Variants in MYLK2 observed in about 807,000 individuals in gnomAD.
MYLK2 encodes myosin light chain kinase 2, skeletal/cardiac muscle.
MYLK2 carries 27 observed loss-of-function variants against 58.2 expected under a neutral mutation model. That is an observed-to-expected ratio of 0.46 (90% confidence interval 0.34 to 0.64). The LOEUF (loss-of-function observed/expected upper bound fraction) is 0.64, where lower values mean the gene tolerates loss of function less well. MYLK2 is among the 30% of genes least tolerant of loss of function. MYLK2 has a pLI of 0.01. For synonymous variants in MYLK2, 310 were observed against 296.7 expected, an observed-to-expected ratio of 1.04 and a Z score of -0.46; for missense variants, 676 against 764.3, an observed-to-expected ratio of 0.88 and a Z score of 1.36.
chr20:31,824,654 G>T lies in MYLK2; in HGVS notation c.972+302G>T, dbSNP rs563583460. On this transcript the variant is annotated intron_variant, in intron 6 of 12. Transcript: ENST00000375985. ...CTGATGAGTGTGGGCTCTGGGCCAG[G>T]CCCTGTGCTGGGCACTGGGGGTCTG... The T allele has an allele frequency of 1.2e-5, 10 of 839,486 alleles. No individual in the cohort carries two copies. In the East Asian group the frequency reaches 1.1e-3, roughly 93 times the overall value. The allele number at this position is 839,486 out of a possible 1,614,324, so 52.0% of individuals were successfully genotyped here.
intron 12 of MYLK2, among the ~76,000 whole-genome samples, chr20:31,833,310 A>G (rs2062316035): frequency 6.6e-6 from 1 of 152,268 alleles, no homozygotes; most frequent in African/African-American, 2.4e-5. Flanking sequence ...AAAGGCCCTG[A>G]GGCAGAGGTG....
At chr20:31,823,135 G>A (rs1040846436) in intron 4 of MYLK2, among the ~76,000 whole-genome samples, 10 of 152,352 alleles carry the variant, frequency 6.6e-5, no homozygotes, top group Non-Finnish European at 1.5e-4. Flanking sequence ...CTGGCATTCC[G>A]CTTTATAGCT....
chr20:31,833,015 T>C (rs1443172944), intron 12 of MYLK2, among the ~76,000 whole-genome samples: 1 of 152,160 alleles, frequency 6.6e-6, no homozygotes, highest in Admixed American at 6.5e-5. Flanking sequence ...GCCTCCTGAA[T>C]AGCTGGGACC....
chr20:31,819,379 A>C lies in MYLK2; in HGVS notation c.-98A>C. 1.5e-6 allele frequency: 1 copy of C among 665,336 alleles called. No individual in the cohort carries two copies. The highest frequency in any genetic ancestry group is 2.1e-5 in the Admixed American group (1 of 47,194). 41.2% of individuals were successfully genotyped at this position (665,336 alleles called of 1,614,324 possible). Reference sequence around the variant, plus strand: ...TTACAACTGCCCAGGACTGCTCCTGAGCAGCCGCTGGGAGACAGACGGCAA... The same window carrying C: ...TTACAACTGCCCAGGACTGCTCCTGCGCAGCCGCTGGGAGACAGACGGCAA... On this transcript the variant is annotated 5_prime_UTR_variant, in exon 1 of 13. Transcript: ENST00000375985.
chr20:31,824,339 C>T lies in MYLK2; in HGVS notation c.959C>T (p.Thr320Ile). The T allele has an allele frequency of 6.2e-7, 1 of 1,612,312 alleles. No individual in the cohort carries two copies. The change falls in exon 6 of 13, where the codon ACT (threonine) becomes ATT (isoleucine). Residue 320 changes from threonine to isoleucine, a missense_variant. By Grantham distance (89) the Thr-to-Ile change is moderately conservative. Around this residue, in one of 2 missense-constraint regions of MYLK2, gnomAD observed 370 missense variants for 467.8 expected, o/e 0.79. Coordinates refer to ENST00000375985, the MANE Select transcript of MYLK2 (RefSeq NM_033118.4). ...GCAGCCAAGGTCATCAAGAAACAGACTCCCAAAGACAAGGTAGTGAGGTTG... is the reference window on the plus strand; with the variant it reads ...GCAGCCAAGGTCATCAAGAAACAGATTCCCAAAGACAAGGTAGTGAGGTTG... The part of the protein sequence containing the change: ...KLAAKVIKKQ[T>I]PKDKEMVLLE...
In MYLK2 at chr20:31,832,151, A is replaced by G. The variant is rs6060980; in HGVS notation, c.1710+15A>G. ...GGCGCTGGAAGGTACCGCTGGATTCAGGGTGGGGAGGGAGGGCTTGCTAGT... is the reference window on the plus strand; with the variant it reads ...GGCGCTGGAAGGTACCGCTGGATTCGGGGTGGGGAGGGAGGGCTTGCTAGT... On this transcript the variant is annotated intron_variant, in intron 12 of 12. Coordinates refer to ENST00000375985, the MANE Select transcript of MYLK2 (RefSeq NM_033118.4). 112,345 of 963,036 alleles carry G rather than the reference A, an allele frequency of 0.12. 4,488 individuals carry two copies. Among genetic ancestry groups the G allele is most frequent in the Middle Eastern group, 0.18 (809 of 4,608 alleles). The allele number at this position is 963,036 out of a possible 1,614,324, so 59.7% of individuals were successfully genotyped here.
At position 31,820,401 on chromosome 20, in the gene MYLK2, A is replaced by C; in HGVS notation, c.328A>C (p.Lys110Gln). 6.2e-7 allele frequency: 1 copy of C among 1,612,818 alleles called. No homozygotes were observed. The change falls in exon 3 of 13, where the codon AAG (lysine) becomes CAG (glutamine). Residue 110 changes from lysine to glutamine, a missense_variant. By Grantham distance (53) the Lys-to-Gln change is moderately conservative. Around this residue, in one of 2 missense-constraint regions of MYLK2, gnomAD observed 306 missense variants for 296.5 expected, o/e 1.03. Transcript: ENST00000375985. ...QTATPETSVK[K>Q]PKAEQGASGS... ...TGCGACACCTGAGACCAGCGTCAAG[A>C]AGCCCAAGGCTGAGCAGGGAGCCTC...
In MYLK2 at chr20:31,821,558, A is replaced by C. The variant is rs2062252208; in HGVS notation, c.593A>C (p.Asn198Thr). 6.2e-7 allele frequency: 1 copy of C among 1,613,998 alleles called. No homozygotes were observed. Among genetic ancestry groups the C allele is most frequent in the Admixed American group, 1.7e-5 (1 of 60,008 alleles). ...PRPAKAEEGKNILAESQKEVG... is the reference protein window; with the variant it reads ...PRPAKAEEGKTILAESQKEVG... Reference sequence around the variant, plus strand: ...CCAGCCAAGGCAGAAGAAGGAAAGAACATCCTGGCAGAGAGCCAGAAGGAA... The same window carrying C: ...CCAGCCAAGGCAGAAGAAGGAAAGACCATCCTGGCAGAGAGCCAGAAGGAA... Residue 198 changes from asparagine (N) to threonine (T), a missense_variant, in exon 4 of 13, where the codon AAC becomes ACC. By Grantham distance (65) the Asn-to-Thr change is moderately conservative. Coordinates refer to ENST00000375985, the MANE Select transcript of MYLK2 (RefSeq NM_033118.4).
At chr20:31,826,361 G>T (rs1206860792) in intron 6 of MYLK2, among the ~76,000 whole-genome samples, 1 of 151,946 alleles carries the variant, frequency 6.6e-6, no homozygotes, top group Non-Finnish European at 1.5e-5. Context: ...TGAGGGGGGA[G>T]GATGGAGATC....
chr20:31,833,113 T>C (rs941664685), intron 12 of MYLK2, among the ~76,000 whole-genome samples: 1 of 151,854 alleles, frequency 6.6e-6, no homozygotes, highest in Non-Finnish European at 1.5e-5. Flanking sequence ...CAAGCAATCC[T>C]CCCGCCTTGG....
In MYLK2 at chr20:31,826,186, A is replaced by G. The variant is rs146841681; in HGVS notation, c.973-419A>G. Among the ~76,000 whole-genome samples, 22 of 152,332 alleles carry G rather than the reference A, an allele frequency of 1.4e-4. 1 individual carries two copies. The East Asian group carries it at 4.1e-3, about 28-fold the overall frequency. On this transcript the variant is annotated intron_variant, in intron 6 of 12. Transcript: ENST00000375985. ...TGGACATGATAGATTTGAGATGTCT[A>G]TTAGACAACTAAGGCAAGTAGACAG...
Position 31,826,636 on chromosome 20 carries a change from A to G in MYLK2, c.1004A>G (p.Asn335Ser). Residue 335 changes from asparagine (N) to serine (S), a missense_variant, in exon 7 of 13, where the codon AAC becomes AGC. Coordinates refer to ENST00000375985, the MANE Select transcript of MYLK2 (RefSeq NM_033118.4). ...EMVLLEIEVM[N>S]QLNHRNLIQL... ...GTGTTGCTGGAGATTGAGGTCATGA[A>G]CCAGCTGAACCACCGCAATCTGATC... 6.2e-7 allele frequency: 1 copy of G among 1,613,882 alleles called. No homozygotes were observed. Among genetic ancestry groups the G allele is most frequent in the South Asian group, 1.1e-5 (1 of 91,062 alleles).
chr20:31,827,853 C>T (rs1022538652), intron 8 of MYLK2, among the ~76,000 whole-genome samples: 1 of 148,230 alleles, frequency 6.7e-6, no homozygotes, highest in African/African-American at 2.5e-5. Flanking sequence ...CACTACCATG[C>T]ACATGGTAGG....
intron 2 of MYLK2, 24 bp downstream of exon 2, chr20:31,819,656 G>A (rs779225909): frequency 1.3e-4 from 208 of 1,551,312 alleles, no homozygotes; most frequent in Non-Finnish European, 1.8e-4. Flanking sequence ...GCAGGAGATG[G>A]AGGGAGGAGC....
rs186638108 is a variant in MYLK2 at position 31,825,182 on chromosome 20, C to T, written c.972+830C>T. Among the ~76,000 whole-genome samples, 47 of 152,338 alleles carry T rather than the reference C, an allele frequency of 3.1e-4. No individual in the cohort carries two copies. The East Asian group carries it at 4.4e-3, about 14-fold the overall frequency. On this transcript the variant is annotated intron_variant, in intron 6 of 12. Transcript: ENST00000375985. Reference sequence around the variant, plus strand: ...TGAAAGCGTGAGAAGCAGCTCTAGCCGCTGCAGCCCTGGGTCCCCATTATG... The same window carrying T: ...TGAAAGCGTGAGAAGCAGCTCTAGCTGCTGCAGCCCTGGGTCCCCATTATG...
chr20:31,823,039 G>T (rs559997312), intron 4 of MYLK2, among the ~76,000 whole-genome samples: 11 of 152,342 alleles, frequency 7.2e-5, no homozygotes, highest in Non-Finnish European at 1.6e-4. Context: ...GCCATGGGTG[G>T]TCTGGCCAGA....
At position 31,830,890 on chromosome 20, in the gene MYLK2, G is replaced by T; in HGVS notation, c.1295+1G>T. On this transcript the variant is annotated splice_donor_variant, in intron 9 of 12. Transcript: ENST00000375985. LOFTEE classifies it high-confidence loss of function. Reference sequence around the variant, plus strand: ...TCATTGACTTTGGCCTGGCACGGAGGTACCACCTGGGTGGGTGGGGAGGGC... The same window carrying T: ...TCATTGACTTTGGCCTGGCACGGAGTTACCACCTGGGTGGGTGGGGAGGGC... The T allele has an allele frequency of 1.5e-6, 2 of 1,359,344 alleles. No individual in the cohort carries two copies. The highest frequency in any genetic ancestry group is 2.0e-6 in the Non-Finnish European group (2 of 990,626). The allele number at this position is 1,359,344 out of a possible 1,614,324, so 84.2% of individuals were successfully genotyped here.
intron 3 of MYLK2, 52 bp from the exon 4 acceptor site, chr20:31,821,387 T>A: frequency 6.2e-7 from 1 of 1,606,662 alleles, no homozygotes; most frequent in Non-Finnish European, 8.5e-7. Flanking sequence ...ACTTGCCTGA[T>A]GCCACAGGCT....
Position 31,820,256 on chromosome 20 carries a change from A to G in MYLK2, c.183A>G (p.Lys61=). Residue 61 remains lysine (K), a synonymous_variant, in exon 3 of 13, where the codon AAA becomes AAG. Coordinates refer to ENST00000375985, the MANE Select transcript of MYLK2 (RefSeq NM_033118.4). ...ATGCCAAAGCCCCTGCCTCAGAGAA[A>G]GGGGATGGTACCCTGGCCCAACCCT... is the stretch of plus-strand genomic sequence containing the variant. ...KKDAKAPASE[K]GDGTLAQPST... 6.2e-7 allele frequency: 1 copy of G among 1,613,978 alleles called. No individual in the cohort carries two copies. Among genetic ancestry groups the G allele is most frequent in the Non-Finnish European group, 8.5e-7 (1 of 1,180,020 alleles).
Sources: gnomAD v4.1 joint callset for allele counts (sites outside exome capture counted in the v4.1 genomes callset) on GRCh38, gnomAD v4.1.1 for gene constraint, gnomAD v4.1.1 regional missense constraint, MANE v1.5 for transcripts, NCBI Gene and HGNC (gene_info 2026-07-23, HGNC 2026-07-21) for gene names.